Variants in APOBEC3F observed in about 807,000 individuals in gnomAD.
APOBEC3F encodes apolipoprotein B mRNA editing enzyme catalytic subunit 3F, also known as DNA dC->dU-editing enzyme APOBEC-3F.
Under a neutral mutation model 45.8 loss-of-function variants are expected in APOBEC3F, and 34 were observed. The observed-to-expected ratio is 0.74, with a 90% CI of 0.57 to 0.99. The LOEUF is 0.99. APOBEC3F is among the 50% of genes least tolerant of loss of function. APOBEC3F has a pLI of 0.00. For missense variants in APOBEC3F, 459 were observed against 474.1 expected (o/e 0.97, Z 0.30); for synonymous variants, 192 against 174.4 (o/e 1.10, Z -0.80).
intron 2 of APOBEC3F, chr22:39,044,234 A>T (rs925525431): frequency 1.3e-6 from 2 of 1,595,540 alleles, no homozygotes; most frequent in Non-Finnish European, 1.7e-6. Flanking sequence ...AGGCCACAGC[A>T]GGGGCTGAGG....
rs763711558 is a variant in APOBEC3F at position 39,052,332 on chromosome 22, G to A, written c.982G>A (p.Val328Met). ...CAGCCTGAGTCAGGAAGGGGCCTCC[G>A]TGGAGATCATGGGCTACAAAGGTGA... ...LRSLSQEGASVEIMGYKDFKY... is the reference protein window; with the variant it reads ...LRSLSQEGASMEIMGYKDFKY... The change falls in exon 6 of 7, where the codon GTG (valine) becomes ATG (methionine). Residue 328 changes from valine (V) to methionine (M), a missense_variant. Transcript: ENST00000308521. 19 of 1,614,100 alleles carry A rather than the reference G, an allele frequency of 1.2e-5. No homozygotes were observed. Among genetic ancestry groups the A allele is most frequent in the Middle Eastern group, 1.6e-4 (1 of 6,082 alleles).
At position 39,046,619 on chromosome 22, in the gene APOBEC3F, AT is replaced by A. The variant is rs1276205638; in HGVS notation, c.566+1093del. ...GTGATCAAGGTCCCAATTGAATAAG[AT>A]TTTTTTTTTTTTTTTGAGACACTGT... is the stretch of plus-strand genomic sequence containing the variant. On this transcript the variant is annotated intron_variant, in intron 4 of 6. Coordinates refer to ENST00000308521, the MANE Select transcript of APOBEC3F (RefSeq NM_145298.6). 7.1e-3 allele frequency among the ~76,000 whole-genome samples: 1,013 copies of A among 142,452 alleles called. 1 individual carries two copies. The highest frequency in any genetic ancestry group is 0.012 in the African/African-American group (471 of 39,036). 93.5% of individuals were successfully genotyped at this position (142,452 alleles called of 152,430 possible).
intron 3 of APOBEC3F, 31 bp downstream of exon 3, chr22:39,045,251 G>A: frequency 1.9e-6 from 3 of 1,609,118 alleles, no homozygotes; most frequent in Non-Finnish European, 2.5e-6. Context: ...GGGAGCGTGA[G>A]CGGGAGGAAC....
At chr22:39,044,220 G>C in intron 2 of APOBEC3F, 2 of 1,605,076 alleles carry the variant, frequency 1.2e-6, no homozygotes, top group Non-Finnish European at 1.7e-6. Context: ...GACCCTAGAG[G>C]GCCAGGCCAC....
chr22:39,042,470 C>G (rs1281126197), intron 1 of APOBEC3F, among the ~76,000 whole-genome samples: 1 of 152,142 alleles, frequency 6.6e-6, no homozygotes, highest in South Asian at 2.1e-4. Context: ...CACTACCACG[C>G]TTGGCTAATT....
In APOBEC3F at chr22:39,045,429, A is replaced by C. The variant is rs147329876; in HGVS notation, c.453A>C (p.Glu151Asp). Reference sequence around the variant, plus strand: ...CTGCTTCCTGCCTCTTCGTCTCAGAATTTGCATACTGCTGGGAAAACTTTG... The same window carrying C: ...CTGCTTCCTGCCTCTTCGTCTCAGACTTTGCATACTGCTGGGAAAACTTTG... ...GARVKIMDDE[E>D]FAYCWENFVY... The change falls in exon 4 of 7, where the codon GAA becomes GAC. Residue 151 changes from glutamate (E) to aspartate (D), a missense_variant and splice_region_variant. Glu to Asp is a conservative substitution (Grantham distance 45, BLOSUM62 2). Coordinates refer to ENST00000308521, the MANE Select transcript of APOBEC3F (RefSeq NM_145298.6). The C allele has an allele frequency of 1.3e-3, 2,068 of 1,614,112 alleles. 20 individuals carry two copies. Among genetic ancestry groups the C allele is most frequent in the South Asian group, 8.6e-3 (781 of 91,086 alleles).
rs764249293 is a variant in APOBEC3F at position 39,045,160 on chromosome 22, C to T, written c.391C>T (p.Arg131Ter). The change falls in exon 3 of 7, where the codon CGA becomes TGA. Residue 131 changes from arginine (R) to a stop codon, truncating the protein, a stop_gained. Transcript: ENST00000308521. LOFTEE classifies it high-confidence loss of function. ...RLYYYWERDYRRALCRLSQAG... is the reference protein window; with the variant it reads ...RLYYYWERDY Reference sequence around the variant, plus strand: ...CTACTACTACTGGGAAAGAGATTACCGAAGGGCGCTCTGCAGGCTGAGTCA... The same window carrying T: ...CTACTACTACTGGGAAAGAGATTACTGAAGGGCGCTCTGCAGGCTGAGTCA... The T allele has an allele frequency of 6.8e-6, 11 of 1,613,930 alleles. No individual in the cohort carries two copies. Among genetic ancestry groups the T allele is most frequent in the African/African-American group, 1.3e-5 (1 of 74,882 alleles).
chr22:39,043,068 A>G lies in APOBEC3F; in HGVS notation c.149A>G (p.Asp50Gly). 6.2e-7 allele frequency: 1 copy of G among 1,614,190 alleles called. No individual in the cohort carries two copies. The highest frequency in any genetic ancestry group is 8.5e-7 in the Non-Finnish European group (1 of 1,180,028). Residue 50 changes from aspartate to glycine, a missense_variant, in exon 2 of 7, where the codon GAC becomes GGC. Coordinates refer to ENST00000308521, the MANE Select transcript of APOBEC3F (RefSeq NM_145298.6). ...KTKGPSRPRL[D>G]AKIFRGQVYS... ...AAGGGTCCCTCAAGGCCCCGTTTGGACGCAAAGATCTTTCGAGGCCAGGTA... is the reference window on the plus strand; with the variant it reads ...AAGGGTCCCTCAAGGCCCCGTTTGGGCGCAAAGATCTTTCGAGGCCAGGTA...
chr22:39,048,801 G>A (rs374132054), intron 4 of APOBEC3F, among the ~76,000 whole-genome samples: 7 of 151,088 alleles, frequency 4.6e-5, no homozygotes, highest in African/African-American at 1.7e-4. Context: ...CTGAGACCCC[G>A]TATAAAAATA....
chr22:39,052,119 T>G lies in APOBEC3F; in HGVS notation c.769T>G (p.Trp257Gly). 6.2e-7 allele frequency: 1 copy of G among 1,613,448 alleles called. No individual in the cohort carries two copies. Among genetic ancestry groups the G allele is most frequent in the Non-Finnish European group, 8.5e-7 (1 of 1,179,414 alleles). Residue 257 changes from tryptophan to glycine, a missense_variant, in exon 6 of 7, where the codon TGG becomes GGG. Physicochemically the swap from Trp to Gly is radical, Grantham distance 184 (BLOSUM62 -2). Coordinates refer to ENST00000308521, the MANE Select transcript of APOBEC3F (RefSeq NM_145298.6). ...HCHAERCFLSWFCDDILSPNT... is the reference protein window; with the variant it reads ...HCHAERCFLSGFCDDILSPNT... ...TCATGCAGAAAGGTGCTTCCTCTCT[T>G]GGTTCTGTGACGACATACTGTCTCC...
rs1927038581 is a variant in APOBEC3F, at chr22:39,043,541, C to T, written c.171+451C>T. ...ACCAGGCTGGTCTCGAACTTCTGAC[C>T]TCAGGTGATCCACCTGCCTCGGCCT... On this transcript the variant is annotated intron_variant, in intron 2 of 6. Coordinates refer to ENST00000308521, the MANE Select transcript of APOBEC3F (RefSeq NM_145298.6). Among the ~76,000 whole-genome samples the T allele has an allele frequency of 2.0e-5, 3 of 150,200 alleles. No homozygotes were observed. In the South Asian group the frequency reaches 6.3e-4, roughly 32 times the overall value.
intron 2 of APOBEC3F, chr22:39,044,457 C>G: frequency 8.2e-7 from 1 of 1,221,418 alleles, no homozygotes; most frequent in Non-Finnish European, 1.1e-6. Flanking sequence ...TGTCAATGCA[C>G]CAGCAACTTT....
intron 4 of APOBEC3F, among the ~76,000 whole-genome samples, chr22:39,049,215 G>T (rs1927363308): frequency 6.6e-6 from 1 of 152,170 alleles, no homozygotes; most frequent in African/African-American, 2.4e-5. Flanking sequence ...GTGTCCCATT[G>T]GTAGGCCCAG....
chr22:39,046,035 A>G (rs1044502842), intron 4 of APOBEC3F, among the ~76,000 whole-genome samples: 5 of 152,094 alleles, frequency 3.3e-5, no homozygotes, highest in African/African-American at 1.2e-4. Context: ...ATTTTCTCAC[A>G]GATCTGGAGG....
chr22:39,044,956 G>C lies in APOBEC3F; in HGVS notation c.187G>C (p.Glu63Gln), dbSNP rs1363130424. ...IFRGQVYSQP[E>Q]HHAEMCFLSW... Reference sequence around the variant, plus strand: ...CCTCTCCCAGGTGTATTCCCAGCCTGAGCACCACGCAGAAATGTGCTTCCT... The same window carrying C: ...CCTCTCCCAGGTGTATTCCCAGCCTCAGCACCACGCAGAAATGTGCTTCCT... The change falls in exon 3 of 7, where the codon GAG becomes CAG. Residue 63 changes from glutamate to glutamine, a missense_variant. By Grantham distance (29) the Glu-to-Gln change is conservative. Coordinates refer to ENST00000308521, the MANE Select transcript of APOBEC3F (RefSeq NM_145298.6). 2.5e-6 allele frequency: 4 copies of C among 1,613,688 alleles called. No homozygotes were observed. The highest frequency in any genetic ancestry group is 3.3e-5 in the Admixed American group (2 of 59,964).
At chr22:39,043,865 CA>C (rs1273972640) in intron 2 of APOBEC3F, among the ~76,000 whole-genome samples, 49 of 145,834 alleles carry the variant, frequency 3.4e-4, no homozygotes, top group Non-Finnish European at 6.1e-4. Flanking sequence ...ACTAAAAATA[CA>C]AAAAAAAAAT....
At position 39,045,060 on chromosome 22, in the gene APOBEC3F, G is replaced by A. The variant is rs372194700; in HGVS notation, c.291G>A (p.Pro97=). 1.8e-5 allele frequency: 29 copies of A among 1,613,784 alleles called. No homozygotes were observed. The highest frequency in any genetic ancestry group is 1.6e-4 in the Middle Eastern group (1 of 6,082). The change falls in exon 3 of 7, where the codon CCG becomes CCA. Residue 97 remains proline (P), a synonymous_variant. Coordinates refer to ENST00000308521, the MANE Select transcript of APOBEC3F (RefSeq NM_145298.6). ...ITWFVSWTPC[P]DCVAKLAEFL... ...GGTTTGTATCCTGGACCCCCTGCCC[G>A]GACTGTGTGGCGAAGCTGGCCGAAT...
rs1927664577 is a variant in APOBEC3F at position 39,055,646 on chromosome 22, C to A, written c.*2951C>A. The stretch of plus-strand genomic sequence containing the variant: ...AGTTAGAAAGATGCAGAAGTAAGAT[C>A]AATGGCCAGACTGTTTGGCGCTGCT... On this transcript the variant is annotated 3_prime_UTR_variant, in exon 7 of 7. Coordinates refer to ENST00000308521, the MANE Select transcript of APOBEC3F (RefSeq NM_145298.6). Among the ~76,000 whole-genome samples, 1 of 152,154 alleles carries A rather than the reference C, an allele frequency of 6.6e-6. No homozygotes were observed. Among genetic ancestry groups the A allele is most frequent in the Admixed American group, 6.6e-5 (1 of 15,258 alleles).
At chr22:39,044,314 G>A (rs1325648764) in intron 2 of APOBEC3F, 5 of 1,448,090 alleles carry the variant, frequency 3.5e-6, no homozygotes, top group Non-Finnish European at 3.6e-6. Context: ...ACAGGGCTGG[G>A]AAAACTTCCA....
Sources: gnomAD v4.1 joint callset for allele counts (sites outside exome capture counted in the v4.1 genomes callset) on GRCh38, gnomAD v4.1.1 for gene constraint, MANE v1.5 for transcripts, NCBI Gene and HGNC (gene_info 2026-07-23, HGNC 2026-07-21) for gene names.